PALS2: variants seen among roughly 807,000 people sequenced by gnomAD.
PALS2 encodes the protein protein associated with LIN7 2, MAGUK p55 family member.
Under a neutral mutation model 61.6 loss-of-function variants are expected in PALS2, and 27 were observed. The observed-to-expected ratio is 0.44, with a 90% CI of 0.32 to 0.60. The LOEUF (loss-of-function observed/expected upper bound fraction) is 0.60, where lower values mean the gene tolerates loss of function less well. PALS2 is among the 20% of genes least tolerant of loss of function. The pLI, the probability that PALS2 is intolerant of heterozygous loss-of-function variation, is 0.05. For missense variants in PALS2, 554 were observed against 639.4 expected, an observed-to-expected ratio of 0.87 and a Z score of 1.44; for synonymous variants, 236 against 218.6, an observed-to-expected ratio of 1.08 and a Z score of -0.70.
chr7:24,586,223 A>G (rs1327477987), intron 1 of PALS2, among the ~76,000 whole-genome samples: 1 of 151,998 alleles, frequency 6.6e-6, no homozygotes, highest in East Asian at 1.9e-4. Context: ...ATTTAGCCAT[A>G]TATTTTATTT....
intron 1 of PALS2, among the ~76,000 whole-genome samples, chr7:24,590,642 AG>A (rs1206931679): frequency 6.6e-6 from 1 of 152,140 alleles, no homozygotes; most frequent in African/African-American, 2.4e-5. Flanking sequence ...CTTACAAAGT[AG>A]GGGTTAGTCC....
chr7:24,632,157 A>G (rs931200238), intron 2 of PALS2, among the ~76,000 whole-genome samples: 2 of 152,196 alleles, frequency 1.3e-5, no homozygotes, highest in Non-Finnish European at 2.9e-5. Flanking sequence ...TAAGATTGTT[A>G]TATCATCTCA....
intron 1 of PALS2, among the ~76,000 whole-genome samples, chr7:24,585,171 TTAAAG>T (rs1376889991): frequency 6.6e-6 from 1 of 152,182 alleles, no homozygotes; most frequent in Non-Finnish European, 1.5e-5. Context: ...CATATGAACT[TTAAAG>T]TAGTTTTTTC....
chr7:24,652,927 T>A (rs1232519437), intron 5 of PALS2, among the ~76,000 whole-genome samples: 1 of 152,300 alleles, frequency 6.6e-6, no homozygotes. Flanking sequence ...ATGTTTTAAA[T>A]TTTGAGGGCC....
chr7:24,629,736 A>G (rs564905438), intron 2 of PALS2, among the ~76,000 whole-genome samples: 1 of 152,260 alleles, frequency 6.6e-6, no homozygotes, highest in Non-Finnish European at 1.5e-5. Context: ...AATGCTCATC[A>G]TCACTGGTCA....
chr7:24,627,030 T>C (rs1293980379), intron 2 of PALS2, among the ~76,000 whole-genome samples: 1 of 152,156 alleles, frequency 6.6e-6, no homozygotes, highest in Non-Finnish European at 1.5e-5. Context: ...CTAATAGACA[T>C]CTACAGAACT....
In PALS2 at chr7:24,616,369, C is replaced by T. The variant is rs148159881; in HGVS notation, c.-2-7297C>T. Reference sequence around the variant, plus strand: ...AAGGTTTCAGAATACAAAATAAATACACAAAAATCAGTAGTATTTCTATAT... The same window carrying T: ...AAGGTTTCAGAATACAAAATAAATATACAAAAATCAGTAGTATTTCTATAT... On this transcript the variant is annotated intron_variant, in intron 1 of 11. Coordinates refer to ENST00000222644, the MANE Select transcript of PALS2 (RefSeq NM_001303037.2). Among the ~76,000 whole-genome samples, 352 of 152,128 alleles carry T rather than the reference C, an allele frequency of 2.3e-3. 1 individual carries two copies. The highest frequency in any genetic ancestry group is 8.0e-3 in the African/African-American group (331 of 41,532).
At chr7:24,684,688 T>A (rs1162857367) in intron 11 of PALS2, among the ~76,000 whole-genome samples, 4 of 152,190 alleles carry the variant, frequency 2.6e-5, no homozygotes, top group African/African-American at 4.8e-5. Flanking sequence ...TTAGAAAACA[T>A]ACATCATTAG....
intron 1 of PALS2, among the ~76,000 whole-genome samples, chr7:24,593,989 T>C (rs1168400013): frequency 2.6e-5 from 4 of 152,154 alleles, no homozygotes; most frequent in African/African-American, 9.7e-5. Flanking sequence ...AATAAAAGGC[T>C]ATTTTGTCTG....
rs1784362426 is a variant in PALS2 at position 24,618,178 on chromosome 7, GC to G, written c.-2-5487del. Among the ~76,000 whole-genome samples, 1 of 152,192 alleles carries G rather than the reference GC, an allele frequency of 6.6e-6. No individual in the cohort carries two copies. Among genetic ancestry groups the G allele is most frequent in the Admixed American group, 6.5e-5 (1 of 15,286 alleles). On this transcript the variant is annotated intron_variant, in intron 1 of 11. Coordinates refer to ENST00000222644, the MANE Select transcript of PALS2 (RefSeq NM_001303037.2). This position sits in a 1 kb window ranked among gnomAD's most constrained non-coding sequence, Gnocchi z 5.1. ...CGGCCACCATGGGGACATGTCAGCT[GC>G]TCAGTTGCTCAGGGACCTCTGCTGC...
At chr7:24,614,961 A>G (rs1304284043) in intron 1 of PALS2, among the ~76,000 whole-genome samples, 1 of 151,994 alleles carries the variant, frequency 6.6e-6, no homozygotes, top group African/African-American at 2.4e-5. Flanking sequence ...TCTGACCACA[A>G]TGAAATAAAA....
At chr7:24,626,346 C>T (rs915465380) in intron 2 of PALS2, among the ~76,000 whole-genome samples, 4 of 151,978 alleles carry the variant, frequency 2.6e-5, no homozygotes, top group Non-Finnish European at 5.9e-5. Context: ...GAAACATACT[C>T]AAAATATCTA....
intron 1 of PALS2, among the ~76,000 whole-genome samples, chr7:24,603,934 C>G (rs977210914): frequency 6.6e-6 from 1 of 151,964 alleles, no homozygotes; most frequent in African/African-American, 2.4e-5. Flanking sequence ...AAAAGAAATA[C>G]CAGGAAAATG....
intron 5 of PALS2, among the ~76,000 whole-genome samples, chr7:24,662,768 GAAAAAAAAAAAAAAAA>G (rs59367702): frequency 2.4e-4 from 25 of 102,644 alleles, no homozygotes; most frequent in Non-Finnish European, 3.2e-4. Flanking sequence ...GACTCCATCT[GAAAAAAAAAAAAAAAA>G]AAAAAAAAAA....
At chr7:24,613,530 T>TA (rs2128052958) in intron 1 of PALS2, among the ~76,000 whole-genome samples, 1 of 151,992 alleles carries the variant, frequency 6.6e-6, no homozygotes, top group South Asian at 2.1e-4. Flanking sequence ...ATACAATGTT[T>TA]AGTGATCAGA....
intron 1 of PALS2, among the ~76,000 whole-genome samples, chr7:24,607,462 ATCTCTC>A (rs149774477): frequency 6.7e-6 from 1 of 148,492 alleles, no homozygotes; most frequent in Non-Finnish European, 1.5e-5. Flanking sequence ...ATGTATGTGT[ATCTCTC>A]TCTCTCTCTC....
intron 1 of PALS2, among the ~76,000 whole-genome samples, chr7:24,620,447 G>A (rs570683452): frequency 3.1e-4 from 47 of 152,158 alleles, no homozygotes; most frequent in African/African-American, 1.1e-3. Context: ...CCAGGACAAG[G>A]GATGTTGTCA....
chr7:24,665,781 T>C, intron 7 of PALS2, 94 bp downstream of exon 7: 1 of 1,192,692 alleles, frequency 8.4e-7, no homozygotes, highest in African/African-American at 1.5e-5. Context: ...TTATTTAAAA[T>C]ATGTCTAGAA....
intron 5 of PALS2, among the ~76,000 whole-genome samples, chr7:24,657,204 C>A (rs1269532496): frequency 1.3e-5 from 2 of 152,168 alleles, no homozygotes; most frequent in African/African-American, 4.8e-5. Context: ...TGGACATTTA[C>A]ATGTAAGTCT....
Sources: allele counts gnomAD v4.1 joint callset (sites outside exome capture counted in the v4.1 genomes callset), GRCh38; gene constraint gnomAD v4.1.1; non-coding constraint Gnocchi (gnomAD v3.1); transcripts MANE v1.5; gene names NCBI Gene and HGNC (gene_info 2026-07-23, HGNC 2026-07-21).